LAMTOR3: variants seen among roughly 807,000 people sequenced by gnomAD.
LAMTOR3 encodes the protein late endosomal/lysosomal adaptor, MAPK and MTOR activator 3, also known as ragulator complex protein LAMTOR3.
In LAMTOR3, 14 loss-of-function variants were observed where a neutral mutation model predicts 20.3. That is an observed-to-expected ratio of 0.69 (90% confidence interval 0.46 to 1.08). The LOEUF is 1.08. LAMTOR3 is among the 50% of genes least tolerant of loss of function. The probability of loss-of-function intolerance (pLI) is 0.00; values close to 1 mark genes in which losing one functional copy is unlikely to be tolerated. For synonymous variants in LAMTOR3, 40 were observed against 49.4 expected, an observed-to-expected ratio of 0.81 and a Z score of 0.80; for missense variants, 125 against 143.7, an observed-to-expected ratio of 0.87 and a Z score of 0.67.
chr4:99,892,119 C>T (rs1725033250), intron 2 of LAMTOR3, 85 bp from the exon 3 acceptor site: 2 of 1,466,494 alleles, frequency 1.4e-6, no homozygotes, highest in African/African-American at 1.5e-5. Flanking sequence ...TTTTAAGGAA[C>T]TTCAGTTATC....
intron 5 of LAMTOR3, 131 bp downstream of exon 5, chr4:99,885,411 A>G (rs1425867869): frequency 1.5e-6 from 1 of 663,386 alleles, no homozygotes; most frequent in Non-Finnish European, 2.4e-6. Flanking sequence ...ACCAATTTGA[A>G]GGCTAAAATT....
chr4:99,892,471 G>A (rs1042102920), intron 2 of LAMTOR3, among the ~76,000 whole-genome samples: 11 of 152,104 alleles, frequency 7.2e-5, no homozygotes, highest in Admixed American at 6.6e-4. Flanking sequence ...TCATCTTAAT[G>A]GTCTTGGGTA....
intron 4 of LAMTOR3, among the ~76,000 whole-genome samples, chr4:99,886,239 C>T (rs1724923615): frequency 6.6e-6 from 1 of 152,184 alleles, no homozygotes; most frequent in Non-Finnish European, 1.5e-5. Flanking sequence ...TCAAATCCCT[C>T]ATTACGGAAT....
Position 99,881,302 on chromosome 4 carries a change from G to A in LAMTOR3, c.*692C>T, listed in dbSNP as rs775376705. 1.6e-4 allele frequency: 24 copies of A among 152,078 alleles called. No individual in the cohort carries two copies. Among genetic ancestry groups the A allele is most frequent in the Non-Finnish European group, 3.1e-4 (21 of 68,006 alleles). The allele number at this position is 152,078 out of a possible 1,614,324, so 9.4% of individuals were successfully genotyped here. ...ATACTAACATTGGAAACAGAATAACGAATTGTATTTAAATTTTATGAAGAA... is the reference window on the plus strand; with the variant it reads ...ATACTAACATTGGAAACAGAATAACAAATTGTATTTAAATTTTATGAAGAA... On this transcript the variant is annotated 3_prime_UTR_variant, in exon 7 of 7. Coordinates refer to ENST00000499666, the MANE Select transcript of LAMTOR3 (RefSeq NM_021970.4).
At chr4:99,883,921 T>G in intron 6 of LAMTOR3, 141 bp downstream of exon 6, 1 of 604,522 alleles carries the variant, frequency 1.7e-6, no homozygotes, top group African/African-American at 1.9e-5. Context: ...TCCCAAGACA[T>G]GGAAAAAAGA....
chr4:99,883,072 T>A (rs2110179251), intron 6 of LAMTOR3, among the ~76,000 whole-genome samples: 1 of 152,208 alleles, frequency 6.6e-6, no homozygotes, highest in Middle Eastern at 3.4e-3. Context: ...TGACTTAGTA[T>A]GTGATGATAG....
Position 99,887,313 on chromosome 4 carries a change from C to G in LAMTOR3, c.86G>C (p.Gly29Ala). 6.4e-7 allele frequency: 1 copy of G among 1,566,060 alleles called. No homozygotes were observed. The highest frequency in any genetic ancestry group is 2.4e-5 in the East Asian group (1 of 42,214). ...AGTTTTACCTTTAATAACAGGTACT[C>G]CATCTCTATCTGACACAACAATGGC... ...LHAIVVSDRD[G>A]VPVIKVANDN... is the part of the protein sequence containing the mutation. Residue 29 changes from glycine to alanine, a missense_variant, in exon 4 of 7, where the codon GGA (glycine) becomes GCA (alanine). By Grantham distance (60) the Gly-to-Ala change is moderately conservative. Coordinates refer to ENST00000499666, the MANE Select transcript of LAMTOR3 (RefSeq NM_021970.4).
At chr4:99,888,460 A>G (rs1470577043) in intron 3 of LAMTOR3, among the ~76,000 whole-genome samples, 1 of 152,236 alleles carries the variant, frequency 6.6e-6, no homozygotes, top group Non-Finnish European at 1.5e-5. Context: ...GTGTTAAAAA[A>G]TATAAGGTGA....
At chr4:99,889,773 A>G (rs1199192292) in intron 3 of LAMTOR3, among the ~76,000 whole-genome samples, 1 of 152,238 alleles carries the variant, frequency 6.6e-6, no homozygotes, top group Non-Finnish European at 1.5e-5. Context: ...TAAATTAAAA[A>G]GCAGGTAAAA....
chr4:99,891,914 C>A lies in LAMTOR3; in HGVS notation c.44+86G>T, dbSNP rs1306805128. The A allele has an allele frequency of 2.0e-6, 3 of 1,503,762 alleles. 1 individual carries two copies. The South Asian group carries it at 3.9e-5, about 19-fold the overall frequency. The allele number at this position is 1,503,762 out of a possible 1,614,324, so 93.2% of individuals were successfully genotyped here. A position where few individuals can be genotyped will look rare whatever the true frequency, so the allele number is the denominator to read the frequency against. On this transcript the variant is annotated intron_variant, in intron 3 of 6. Coordinates refer to ENST00000499666, the MANE Select transcript of LAMTOR3 (RefSeq NM_021970.4). ...TAAAGGAAATCTCAGAGATACTTCACAACATGGAAAATACAGACAAAATGC... is the reference window on the plus strand; with the variant it reads ...TAAAGGAAATCTCAGAGATACTTCAAAACATGGAAAATACAGACAAAATGC...
Position 99,883,951 on chromosome 4 carries a change from G to A in LAMTOR3, c.301+111C>T, listed in dbSNP as rs975239820. ...AAAAGACAGTGAAACTGGGCCACAA[G>A]TTCAAGATTTTTGGCTCTAAATCTA... On this transcript the variant is annotated intron_variant, in intron 6 of 6. Transcript: ENST00000499666. 6.8e-6 allele frequency: 5 copies of A among 730,590 alleles called. No individual in the cohort carries two copies. The African/African-American group carries it at 9.0e-5, about 13-fold the overall frequency. The allele number at this position is 730,590 out of a possible 1,614,324, so 45.3% of individuals were successfully genotyped here. A position where few individuals can be genotyped will look rare whatever the true frequency, so the allele number is the denominator to read the frequency against.
In LAMTOR3 at chr4:99,881,795, TAAGA is replaced by T. The variant is rs1485892051; in HGVS notation, c.*195_*198del. ...TGTGGTATCCCTAGATCTCACTAAA[TAAGA>T]AAGACCCTACACCAGAAAATATAGC... On this transcript the variant is annotated 3_prime_UTR_variant, in exon 7 of 7. Transcript: ENST00000499666. The T allele has an allele frequency of 1.8e-6, 1 of 544,588 alleles. No homozygotes were observed. The highest frequency in any genetic ancestry group is 3.3e-6 in the Non-Finnish European group (1 of 307,644). The allele number at this position is 544,588 out of a possible 1,614,324, so 33.7% of individuals were successfully genotyped here. A position where few individuals can be genotyped will look rare whatever the true frequency, so the allele number is the denominator to read the frequency against.
rs1055835064 is a variant in LAMTOR3, at chr4:99,879,714, G to C, written c.*2280C>G. On this transcript the variant is annotated 3_prime_UTR_variant, in exon 7 of 7. Coordinates refer to ENST00000499666, the MANE Select transcript of LAMTOR3 (RefSeq NM_021970.4). ...ATGTGAACATCATACTGTACTGACAGGAACCCCAGATGGTATAGCCTACTA... is the reference window on the plus strand; with the variant it reads ...ATGTGAACATCATACTGTACTGACACGAACCCCAGATGGTATAGCCTACTA... The C allele has an allele frequency of 7.1e-6, 1 of 139,870 alleles. No individual in the cohort carries two copies. The highest frequency in any genetic ancestry group is 2.8e-5 in the African/African-American group (1 of 35,962). 8.7% of individuals were successfully genotyped at this position (139,870 alleles called of 1,614,324 possible). A position where few individuals can be genotyped will look rare whatever the true frequency, so the allele number is the denominator to read the frequency against.
In LAMTOR3 at chr4:99,881,915, T is replaced by C. The variant is rs928432376; in HGVS notation, c.*79A>G. 1 of 981,482 alleles carries C rather than the reference T, an allele frequency of 1.0e-6. No homozygotes were observed. The highest frequency in any genetic ancestry group is 1.6e-6 in the Non-Finnish European group (1 of 625,730). 60.8% of individuals were successfully genotyped at this position (981,482 alleles called of 1,614,324 possible). A position where few individuals can be genotyped will look rare whatever the true frequency, so the allele number is the denominator to read the frequency against. ...TTTCTTGAGCACATGGATAAAAGTA[T>C]TATTGTAGTCTAAAGATTGCTGGAT... On this transcript the variant is annotated 3_prime_UTR_variant, in exon 7 of 7. Transcript: ENST00000499666.
intron 4 of LAMTOR3, among the ~76,000 whole-genome samples, chr4:99,885,886 G>C (rs186788041): frequency 6.6e-6 from 1 of 152,068 alleles, no homozygotes; most frequent in Non-Finnish European, 1.5e-5. Context: ...AAAAAATGCT[G>C]ACTCTCACAA....
At chr4:99,886,066 T>G (rs1164760345) in intron 4 of LAMTOR3, among the ~76,000 whole-genome samples, 1 of 152,246 alleles carries the variant, frequency 6.6e-6, no homozygotes, top group Non-Finnish European at 1.5e-5. Context: ...GCAGTATCTC[T>G]CATAGATATT....
chr4:99,894,451 C>T (rs1292690986), upstream of LAMTOR3: 2 of 152,812 alleles, frequency 1.3e-5, no homozygotes, highest in East Asian at 1.9e-4. Context: ...CTCCAGGAAG[C>T]ACTTTCTAAG....
rs1252320998 is a variant in LAMTOR3 at position 99,878,964 on chromosome 4, A to T, written c.*3030T>A. The stretch of plus-strand genomic sequence containing the variant: ...TGTAAATACATACTTTTGCACATCT[A>T]TGTGCTTTGTTTGGTAGGATAAATT... On this transcript the variant is annotated 3_prime_UTR_variant, in exon 7 of 7. Transcript: ENST00000499666. The T allele has an allele frequency of 1.3e-5, 2 of 152,102 alleles. No individual in the cohort carries two copies. Among genetic ancestry groups the T allele is most frequent in the Non-Finnish European group, 2.9e-5 (2 of 67,978 alleles). 9.4% of individuals were successfully genotyped at this position (152,102 alleles called of 1,614,324 possible).
chr4:99,893,472 T>TAC (rs142277205), intron 2 of LAMTOR3, among the ~76,000 whole-genome samples: 7,051 of 150,708 alleles, frequency 0.047, 197 homozygotes, highest in Middle Eastern at 0.097. Flanking sequence ...TTTATCCTCC[T>TAC]ACACACACAC....
Sources: allele counts gnomAD v4.1 joint callset (sites outside exome capture counted in the v4.1 genomes callset), GRCh38; gene constraint gnomAD v4.1.1; transcripts MANE v1.5; gene names NCBI Gene and HGNC (gene_info 2026-07-23, HGNC 2026-07-21).